PTPRN2: variants seen among roughly 807,000 people sequenced by gnomAD.
PTPRN2 encodes protein tyrosine phosphatase receptor type N2.
In PTPRN2, 74 loss-of-function variants were observed where a neutral mutation model predicts 118.8. The ratio of observed to expected loss-of-function variants is 0.62; its 90% CI spans 0.52 to 0.76. PTPRN2 has a LOEUF of 0.76. Among genes scored for constraint, PTPRN2 ranks in the 30% least tolerant of loss-of-function variants. The pLI is 0.00. For missense variants in PTPRN2, 1,481 were observed against 1,394.4 expected, an observed-to-expected ratio of 1.06 and a Z score of -0.99; for synonymous variants, 641 against 608.0, an observed-to-expected ratio of 1.05 and a Z score of -0.80.
intron 1 of PTPRN2, among the ~76,000 whole-genome samples, chr7:158,540,196 T>G (rs1825904601): frequency 6.6e-6 from 1 of 152,174 alleles, no homozygotes; most frequent in Admixed American, 6.5e-5. Flanking sequence ...CTGCATTTCC[T>G]CATGGTTCTT....
intron 2 of PTPRN2, among the ~76,000 whole-genome samples, chr7:158,456,438 G>A (rs936992387): frequency 1.3e-5 from 2 of 151,362 alleles, no homozygotes; most frequent in Non-Finnish European, 2.9e-5. Flanking sequence ...CCATCGCTCT[G>A]CAGAGAACAT....
At chr7:157,588,163 G>A (rs1055840029) in intron 17 of PTPRN2, among the ~76,000 whole-genome samples, 5 of 152,236 alleles carry the variant, frequency 3.3e-5, no homozygotes, top group African/African-American at 1.2e-4. Flanking sequence ...AACAGCTGTT[G>A]TGTATCTCCT....
At chr7:158,182,169 C>T (rs1824766246) in intron 5 of PTPRN2, among the ~76,000 whole-genome samples, 3 of 152,086 alleles carry the variant, frequency 2.0e-5, no homozygotes, top group Admixed American at 6.6e-5. Flanking sequence ...TACTGTTAAC[C>T]CAAAAATCAT....
rs772725581 is a variant in PTPRN2 at position 158,192,527 on chromosome 7, G to A, written c.381-32C>T. ...AAGCAAAAGAAACCAGACATCAACCGCATGTTTGCTGGTGCCTGGAGCTGC... is the reference window on the plus strand; with the variant it reads ...AAGCAAAAGAAACCAGACATCAACCACATGTTTGCTGGTGCCTGGAGCTGC... On this transcript the variant is annotated intron_variant, in intron 4 of 22. Transcript: ENST00000389418. The A allele has an allele frequency of 1.6e-4, 251 of 1,558,442 alleles. 1 individual carries two copies. Among genetic ancestry groups the A allele is most frequent in the Non-Finnish European group, 1.9e-4 (221 of 1,159,756 alleles).
chr7:158,212,521 C>T (rs1423601031), intron 3 of PTPRN2, among the ~76,000 whole-genome samples: 1 of 152,046 alleles, frequency 6.6e-6, no homozygotes, highest in Non-Finnish European at 1.5e-5. Context: ...CCTGTGTACC[C>T]ACAAAAATTA....
chr7:158,096,820 G>A (rs1358370968), intron 10 of PTPRN2, among the ~76,000 whole-genome samples: 1 of 152,234 alleles, frequency 6.6e-6, no homozygotes, highest in Non-Finnish European at 1.5e-5. Context: ...GAGTCTGCAG[G>A]TGGTGGATAC....
At chr7:158,148,452 T>A (rs62480228) in intron 6 of PTPRN2, among the ~76,000 whole-genome samples, 1 of 10,810 alleles carries the variant, frequency 9.3e-5, no homozygotes, top group Non-Finnish European at 1.8e-4. Flanking sequence ...CCCCATCTCA[T>A]GCCACACGTC....
intron 11 of PTPRN2, among the ~76,000 whole-genome samples, chr7:157,993,910 G>A (rs1300690423): frequency 6.6e-6 from 1 of 152,106 alleles, no homozygotes; most frequent in Non-Finnish European, 1.5e-5. Flanking sequence ...GGCCCCCCAT[G>A]CACTGAGCTC....
At chr7:158,334,669 G>A (rs1400065312) in intron 2 of PTPRN2, among the ~76,000 whole-genome samples, 23 of 72,998 alleles carry the variant, frequency 3.2e-4, no homozygotes, top group Middle Eastern at 0.021. Context: ...GACACCTGCA[G>A]ACGTCACTCA....
chr7:158,245,172 ATGG>A lies in PTPRN2; in HGVS notation c.278-39902_278-39900del, dbSNP rs1372103483. Among the ~76,000 whole-genome samples, 392 of 101,730 alleles carry A rather than the reference ATGG, an allele frequency of 3.9e-3. 5 individuals carry two copies. The highest frequency in any genetic ancestry group is 0.014 in the African/African-American group (375 of 26,978). The allele number at this position is 101,730 out of a possible 152,430, so 66.7% of individuals were successfully genotyped here. ...AGAATCCGTGGCCATGCCGGAATCC[ATGG>A]CCATGCCGGAATCCGTGGTCATGCT... On this transcript the variant is annotated intron_variant, in intron 3 of 22. Transcript: ENST00000389418.
intron 12 of PTPRN2, among the ~76,000 whole-genome samples, chr7:157,872,817 C>T (rs972735466): frequency 8.5e-5 from 13 of 152,190 alleles, no homozygotes; most frequent in Non-Finnish European, 1.8e-4. Context: ...AGCTTCCTGG[C>T]GGGGTAGAGG....
chr7:158,545,871 C>T (rs1197321759), intron 1 of PTPRN2, among the ~76,000 whole-genome samples: 9 of 152,230 alleles, frequency 5.9e-5, no homozygotes, highest in South Asian at 2.1e-4. Flanking sequence ...CGGTGGCACG[C>T]GCCTGTAGTC....
intron 21 of PTPRN2, among the ~76,000 whole-genome samples, chr7:157,553,371 G>A (rs1798726144): frequency 6.6e-6 from 1 of 152,224 alleles, no homozygotes; most frequent in South Asian, 2.1e-4. Flanking sequence ...CCGGAGCCAT[G>A]AAGCCGTCAG....
intron 11 of PTPRN2, among the ~76,000 whole-genome samples, chr7:158,005,120 G>C (rs111553682): frequency 1.3e-5 from 2 of 151,518 alleles, no homozygotes; most frequent in African/African-American, 4.9e-5. Context: ...TGTTGCCCAG[G>C]CTGGAGTGCA....
chr7:158,316,988 GA>G, intron 2 of PTPRN2, 56 bp from the exon 3 acceptor site: 1 of 1,371,276 alleles, frequency 7.3e-7, no homozygotes. Context: ...CAGAGAGCAG[GA>G]AGGTGTCACA....
rs1273751295 is a variant in PTPRN2, at chr7:158,138,391, A to G, written c.1035T>C (p.His345=). 3 of 1,613,716 alleles carry G rather than the reference A, an allele frequency of 1.9e-6. No homozygotes were observed. In the East Asian group the frequency reaches 6.7e-5, roughly 36 times the overall value. ...TCCCAGGGCTGCCTCGAGCTACTCC[A>G]TGGTCCACGCCTTGCATCAGGCCAG... ...LMAGLMQGVD[H]GVARGSPGRA... Residue 345 remains histidine, a synonymous_variant, in exon 7 of 23, where the codon CAT becomes CAC. Transcript: ENST00000389418.
At chr7:157,654,305 C>T (rs1385484390) in intron 14 of PTPRN2, among the ~76,000 whole-genome samples, 1 of 149,964 alleles carries the variant, frequency 6.7e-6, no homozygotes, top group East Asian at 2.0e-4. Context: ...TCCCCACACC[C>T]TCCCCAACTC....
Position 157,994,627 on chromosome 7 carries a change from TA to T in PTPRN2, c.1723+86670del, listed in dbSNP as rs1220356865. 1.5e-3 allele frequency among the ~76,000 whole-genome samples: 220 copies of T among 144,906 alleles called. 2 individuals are homozygous for T. The highest frequency in any genetic ancestry group is 1.9e-3 in the African/African-American group (71 of 38,180). ...TCCCCAGCTTACAACTCCTGGTTCCTAAAATCAACGCCGTGTCCCCAGCTTA... is the reference window on the plus strand; with the variant it reads ...TCCCCAGCTTACAACTCCTGGTTCCTAAATCAACGCCGTGTCCCCAGCTTA... On this transcript the variant is annotated intron_variant, in intron 11 of 22. Transcript: ENST00000389418.
rs948289851 is a variant in PTPRN2, at chr7:157,785,067, C to A, written c.1789-102130G>T. On this transcript the variant is annotated intron_variant, in intron 12 of 22. Coordinates refer to ENST00000389418, the MANE Select transcript of PTPRN2 (RefSeq NM_002847.5). The surrounding 1 kb of genome is among the most constrained non-coding windows in gnomAD (Gnocchi z 7.3). ...GGCTGTTACAGCCGCTGTTTCATCG[C>A]GTCGTCATAGGAGTTGAACAAAGCT... Among the ~76,000 whole-genome samples, 7 of 152,090 alleles carry A rather than the reference C, an allele frequency of 4.6e-5. No individual in the cohort carries two copies. The highest frequency in any genetic ancestry group is 7.4e-5 in the Non-Finnish European group (5 of 68,018).
Sources: allele counts gnomAD v4.1 joint callset (sites outside exome capture counted in the v4.1 genomes callset), GRCh38; gene constraint gnomAD v4.1.1; non-coding constraint Gnocchi (gnomAD v3.1); transcripts MANE v1.5; gene names NCBI Gene and HGNC (gene_info 2026-07-23, HGNC 2026-07-21).